The following MTHFD1L variants were observed in gnomAD, a reference collection of about 807,000 sequenced individuals.
MTHFD1L encodes monofunctional C1-tetrahydrofolate synthase, mitochondrial.
Under a neutral mutation model 119.5 loss-of-function variants are expected in MTHFD1L, and 81 were observed. That is an observed-to-expected ratio of 0.68 (90% CI 0.57 to 0.82). The LOEUF (loss-of-function observed/expected upper bound fraction) is 0.82. Among genes scored for constraint, MTHFD1L ranks in the 40% least tolerant of loss-of-function variants. MTHFD1L has a pLI of 0.00. For missense variants in MTHFD1L, 1,125 were observed against 1,253.4 expected, an observed-to-expected ratio of 0.90 and a Z score of 1.55; for synonymous variants, 430 against 475.2, an observed-to-expected ratio of 0.90 and a Z score of 1.24.
intron 8 of MTHFD1L, among the ~76,000 whole-genome samples, chr6:150,907,561 T>C (rs1168575001): frequency 6.6e-6 from 1 of 152,226 alleles, no homozygotes; most frequent in African/African-American, 2.4e-5. Context: ...TATTGGTTGT[T>C]TGGCCTCGTG....
In MTHFD1L at chr6:150,872,066, C is replaced by T. The variant is rs568386092; in HGVS notation, c.228-4024C>T. Among the ~76,000 whole-genome samples the T allele has an allele frequency of 1.6e-4, 24 of 150,966 alleles. No homozygotes were observed. The South Asian group carries it at 2.9e-3, about 18-fold the overall frequency. On this transcript the variant is annotated intron_variant, in intron 1 of 27. Transcript: ENST00000367321. The stretch of plus-strand genomic sequence containing the variant: ...CTAATTTTTTTATTTTTAGTAGAGA[C>T]GGGGTTTCACTATGTTGGCCAGGCT...
chr6:150,977,022 C>T (rs1429427149), intron 20 of MTHFD1L, among the ~76,000 whole-genome samples: 3 of 152,172 alleles, frequency 2.0e-5, no homozygotes, highest in African/African-American at 4.8e-5. Flanking sequence ...TATTAAGCTT[C>T]TGCTATATGT....
chr6:151,068,968 G>C (rs1157148328), intron 26 of MTHFD1L, among the ~76,000 whole-genome samples: 1 of 152,144 alleles, frequency 6.6e-6, no homozygotes, highest in Non-Finnish European at 1.5e-5. Context: ...CTGTAGACTA[G>C]TGCCAGTTTG....
At chr6:151,005,898 T>A (rs1392782528) in intron 20 of MTHFD1L, among the ~76,000 whole-genome samples, 1 of 152,116 alleles carries the variant, frequency 6.6e-6, no homozygotes, top group Non-Finnish European at 1.5e-5. Flanking sequence ...CATTGTAGTA[T>A]TGTAAGAAAA....
chr6:151,036,276 G>C (rs1562573586), intron 25 of MTHFD1L, among the ~76,000 whole-genome samples: 3 of 152,080 alleles, frequency 2.0e-5, no homozygotes, highest in South Asian at 4.2e-4. Flanking sequence ...TTTAAAGTTA[G>C]TGTCAAGTAT....
At chr6:151,046,461 A>ATG (rs1252724025) in intron 26 of MTHFD1L, among the ~76,000 whole-genome samples, 4,846 of 71,166 alleles carry the variant, frequency 0.068, 169 homozygotes, top group East Asian at 0.19. Flanking sequence ...TATATATAAT[A>ATG]TGTGTGTGTG....
chr6:150,997,421 G>A (rs1029333823), intron 20 of MTHFD1L, among the ~76,000 whole-genome samples: 1 of 152,160 alleles, frequency 6.6e-6, no homozygotes, highest in African/African-American at 2.4e-5. Flanking sequence ...AATGGGTCAC[G>A]GGATCAGTGC....
chr6:150,906,150 G>A (rs145661105), intron 8 of MTHFD1L, among the ~76,000 whole-genome samples: 7 of 152,302 alleles, frequency 4.6e-5, no homozygotes, highest in African/African-American at 9.6e-5. Context: ...GATGAGCGCC[G>A]GATTGTTGGG....
At chr6:151,073,218 G>A (rs542598770) in intron 26 of MTHFD1L, among the ~76,000 whole-genome samples, 107 of 152,230 alleles carry the variant, frequency 7.0e-4, no homozygotes, top group African/African-American at 2.5e-3. Context: ...AGAGCTTTGC[G>A]GATGTACAGA....
At chr6:151,046,804 G>C (rs1385407167) in intron 26 of MTHFD1L, among the ~76,000 whole-genome samples, 1 of 152,020 alleles carries the variant, frequency 6.6e-6, no homozygotes. Flanking sequence ...CCAAGATACC[G>C]GTTTTGTAAA....
chr6:150,896,605 G>A (rs891606931), intron 7 of MTHFD1L, among the ~76,000 whole-genome samples: 1 of 152,174 alleles, frequency 6.6e-6, no homozygotes, highest in African/African-American at 2.4e-5. Flanking sequence ...CCTGAGCTTT[G>A]TTTGACAGAT....
At chr6:150,932,668 C>T (rs560640618) in intron 11 of MTHFD1L, among the ~76,000 whole-genome samples, 63 of 151,270 alleles carry the variant, frequency 4.2e-4, no homozygotes, top group Non-Finnish European at 6.0e-4. Flanking sequence ...CTCAGGAGGC[C>T]GAGGCAGGAG....
At chr6:150,866,779 C>T (rs1476252189) in intron 1 of MTHFD1L, 2 of 862,658 alleles carry the variant, frequency 2.3e-6, no homozygotes, top group African/African-American at 1.8e-5. Flanking sequence ...AACTGGGAGC[C>T]CCGGGCCCGG....
chr6:151,089,244 A>G (rs756922002), intron 26 of MTHFD1L, among the ~76,000 whole-genome samples: 47 of 152,318 alleles, frequency 3.1e-4, no homozygotes, highest in Non-Finnish European at 6.0e-4. Context: ...TCTTTTTCTT[A>G]AACTATAAAA....
intron 20 of MTHFD1L, among the ~76,000 whole-genome samples, chr6:150,982,538 C>G (rs1030878177): frequency 2.6e-5 from 4 of 152,124 alleles, no homozygotes; most frequent in African/African-American, 9.7e-5. Context: ...TCTAAAAGGT[C>G]TTCTAGGGAC....
At chr6:150,995,828 A>AT (rs1779742528) in intron 20 of MTHFD1L, among the ~76,000 whole-genome samples, 1 of 146,934 alleles carries the variant, frequency 6.8e-6, no homozygotes, top group Non-Finnish European at 1.5e-5. Context: ...CATCAGGCTA[A>AT]TTTTTTGTAT....
At chr6:150,997,393 C>T (rs1352515820) in intron 20 of MTHFD1L, among the ~76,000 whole-genome samples, 1 of 152,114 alleles carries the variant, frequency 6.6e-6, no homozygotes, top group African/African-American at 2.4e-5. Flanking sequence ...TTTTGCTGTC[C>T]GGCTCCAAGT....
At chr6:151,069,852 G>A (rs990717405) in intron 26 of MTHFD1L, among the ~76,000 whole-genome samples, 4 of 152,162 alleles carry the variant, frequency 2.6e-5, no homozygotes, top group African/African-American at 4.8e-5. Context: ...ATCCCTCAAC[G>A]AGTCCCAGTG....
chr6:150,948,800 C>CG (rs1562436989), intron 15 of MTHFD1L, among the ~76,000 whole-genome samples: 10 of 146,212 alleles, frequency 6.8e-5, no homozygotes, highest in East Asian at 4.3e-4. Context: ...GCCACCATGC[C>CG]CAGCTAATTT....
Sources: allele counts gnomAD v4.1 joint callset (sites outside exome capture counted in the v4.1 genomes callset), GRCh38; gene constraint gnomAD v4.1.1; transcripts MANE v1.5; gene names NCBI Gene and HGNC (gene_info 2026-07-23, HGNC 2026-07-21).